AGBL4: variants seen among roughly 807,000 people sequenced by gnomAD.
The protein encoded by AGBL4 is AGBL carboxypeptidase 4, also known as cytosolic carboxypeptidase 6.
In AGBL4, 58 loss-of-function variants were observed where a neutral mutation model predicts 66.4. The observed-to-expected ratio is 0.87, with a 90% CI of 0.71 to 1.09. The LOEUF (loss-of-function observed/expected upper bound fraction) is 1.09, where lower values mean the gene tolerates loss of function less well. AGBL4 is among the 50% of genes least tolerant of loss of function. The probability of loss-of-function intolerance (pLI) is 0.00; values close to 1 mark genes in which losing one functional copy is unlikely to be tolerated. For synonymous variants in AGBL4, 234 were observed against 222.9 expected (o/e 1.05, Z -0.44); for missense variants, 579 against 631.0 (o/e 0.92, Z 0.88).
chr1:50,006,682 A>C (rs1557655792), intron 1 of AGBL4, among the ~76,000 whole-genome samples: 2 of 151,690 alleles, frequency 1.3e-5, no homozygotes, highest in Admixed American at 6.6e-5. Context: ...AAAAAAAAAA[A>C]CAAAAGAACA....
intron 4 of AGBL4, among the ~76,000 whole-genome samples, chr1:49,223,777 C>T (rs1012932650): frequency 1.1e-4 from 16 of 152,096 alleles, no homozygotes; most frequent in African/African-American, 3.1e-4. Context: ...ATACTTCTTA[C>T]GTATTAAGGG....
intron 3 of AGBL4, among the ~76,000 whole-genome samples, chr1:49,575,270 C>T (rs1014035911): frequency 4.6e-5 from 7 of 152,144 alleles, no homozygotes; most frequent in African/African-American, 1.7e-4. Context: ...TTAGCTCTGA[C>T]TTACAGTGGG....
intron 5 of AGBL4, among the ~76,000 whole-genome samples, chr1:49,015,320 A>G (rs1662733400): frequency 6.6e-6 from 1 of 152,134 alleles, no homozygotes; most frequent in Admixed American, 6.5e-5. Flanking sequence ...GTGAAATGAG[A>G]AGCTAACAAA....
intron 6 of AGBL4, among the ~76,000 whole-genome samples, chr1:48,722,373 AC>A (rs1262644148): frequency 2.0e-5 from 3 of 152,192 alleles, no homozygotes; most frequent in Non-Finnish European, 2.9e-5. Context: ...GAAAATAAGA[AC>A]AAAAAGATTT....
intron 2 of AGBL4, among the ~76,000 whole-genome samples, chr1:49,757,142 C>G (rs1651946874): frequency 6.6e-6 from 1 of 152,078 alleles, no homozygotes. Context: ...TTATAAAAGG[C>G]TTTTCTCCCC....
chr1:49,521,164 G>A (rs1175643097), intron 3 of AGBL4, among the ~76,000 whole-genome samples: 1 of 151,870 alleles, frequency 6.6e-6, no homozygotes, highest in Admixed American at 6.6e-5. Context: ...ATTTACAATT[G>A]CCATCAAGAA....
intron 8 of AGBL4, among the ~76,000 whole-genome samples, chr1:48,650,308 A>G (rs1406906924): frequency 6.6e-6 from 1 of 152,116 alleles, no homozygotes; most frequent in Non-Finnish European, 1.5e-5. Context: ...CCAGAGGGAG[A>G]TGTTGAGAGA....
At chr1:49,584,432 T>A (rs1345454665) in intron 3 of AGBL4, among the ~76,000 whole-genome samples, 1 of 152,198 alleles carries the variant, frequency 6.6e-6, no homozygotes, top group Non-Finnish European at 1.5e-5. Flanking sequence ...GTTATCATTT[T>A]ATTAAATACT....
In AGBL4 at chr1:48,736,176, A is replaced by C; in HGVS notation, c.635-72935T>G. The C allele has an allele frequency of 6.6e-7, 1 of 1,526,258 alleles. No individual in the cohort carries two copies. Among genetic ancestry groups the C allele is most frequent in the Non-Finnish European group, 9.1e-7 (1 of 1,101,226 alleles). 94.5% of individuals were successfully genotyped at this position (1,526,258 alleles called of 1,614,324 possible). On this transcript the variant is annotated intron_variant, in intron 6 of 13. Transcript: ENST00000371839. This position sits in a 1 kb window ranked among gnomAD's most constrained non-coding sequence, Gnocchi z 4.0. ...GTAATCGTTGAATTGAATTGTGCCTAACACATTCTTGACAGAGTAAAAGAC... is the reference window on the plus strand; with the variant it reads ...GTAATCGTTGAATTGAATTGTGCCTCACACATTCTTGACAGAGTAAAAGAC...
intron 3 of AGBL4, among the ~76,000 whole-genome samples, chr1:49,270,934 A>G (rs1177169904): frequency 6.6e-6 from 1 of 152,212 alleles, no homozygotes; most frequent in East Asian, 1.9e-4. Flanking sequence ...TTACAAAATT[A>G]AAGAACAAAA....
intron 3 of AGBL4, among the ~76,000 whole-genome samples, chr1:49,316,452 T>C (rs1645041095): frequency 6.6e-6 from 1 of 151,550 alleles, no homozygotes; most frequent in South Asian, 2.1e-4. Context: ...AAAAAAGCTC[T>C]CACAACCAAA....
intron 1 of AGBL4, among the ~76,000 whole-genome samples, chr1:49,922,427 T>A (rs115715402): frequency 0.011 from 1,666 of 152,172 alleles, 27 homozygotes; most frequent in African/African-American, 0.038. Flanking sequence ...CCACTCCAAT[T>A]CAACATCGTA....
At chr1:49,580,314 C>T (rs1055479787) in intron 3 of AGBL4, among the ~76,000 whole-genome samples, 1 of 151,994 alleles carries the variant, frequency 6.6e-6, no homozygotes, top group African/African-American at 2.4e-5. Context: ...TATTTATGTT[C>T]AAGGTTATTA....
chr1:49,734,624 T>G (rs572242561), intron 2 of AGBL4, among the ~76,000 whole-genome samples: 96 of 152,134 alleles, frequency 6.3e-4, no homozygotes, highest in African/African-American at 2.2e-3. Context: ...AAAAAATGGC[T>G]TTGGAGAAAT....
intron 12 of AGBL4, among the ~76,000 whole-genome samples, chr1:48,535,654 T>C (rs543750084): frequency 6.6e-5 from 10 of 152,274 alleles, no homozygotes; most frequent in African/African-American, 2.4e-4. Flanking sequence ...CTCTACTCTA[T>C]TCCCCAATAC....
intron 3 of AGBL4, among the ~76,000 whole-genome samples, chr1:49,283,181 G>A (rs1163088052): frequency 6.6e-6 from 1 of 152,168 alleles, no homozygotes; most frequent in Non-Finnish European, 1.5e-5. Flanking sequence ...TCTGAGAACG[G>A]GCAGACTGCC....
intron 5 of AGBL4, among the ~76,000 whole-genome samples, chr1:48,885,951 G>A (rs914596174): frequency 6.6e-6 from 1 of 152,204 alleles, no homozygotes; most frequent in Non-Finnish European, 1.5e-5. Context: ...ATACCTGGAT[G>A]AGAGTGGACA....
chr1:49,988,964 C>G (rs1197546621), intron 1 of AGBL4, among the ~76,000 whole-genome samples: 2 of 152,154 alleles, frequency 1.3e-5, no homozygotes, highest in Non-Finnish European at 2.9e-5. Flanking sequence ...CATTAAACTG[C>G]CTTAATGCTA....
chr1:48,701,654 A>AATTGT (rs1442817791), intron 6 of AGBL4, among the ~76,000 whole-genome samples: 3 of 152,154 alleles, frequency 2.0e-5, no homozygotes, highest in Admixed American at 6.5e-5. Context: ...AATGCTTTAA[A>AATTGT]ATTGTTAATG....
Sources: gnomAD v4.1 joint callset for allele counts (sites outside exome capture counted in the v4.1 genomes callset) on GRCh38, gnomAD v4.1.1 for gene constraint, Gnocchi (gnomAD v3.1) non-coding constraint, MANE v1.5 for transcripts, NCBI Gene and HGNC (gene_info 2026-07-23, HGNC 2026-07-21) for gene names.